Variants in PDPR observed in about 807,000 individuals in gnomAD.
PDPR encodes the protein pyruvate dehydrogenase phosphatase regulatory subunit.
In PDPR, 50 loss-of-function variants were observed where a neutral mutation model predicts 102.2. The observed-to-expected ratio is 0.49, with a 90% confidence interval of 0.39 to 0.62. The LOEUF is 0.62. Among genes scored for constraint, PDPR ranks in the 20% least tolerant of loss-of-function variants. The pLI is 0.00. For synonymous variants in PDPR, 259 were observed against 406.0 expected (o/e 0.64, Z 4.35); for missense variants, 625 against 1,098.2 (o/e 0.57, Z 6.09).
At chr16:70,154,134 C>G (rs1475830867) in intron 18 of PDPR, among the ~76,000 whole-genome samples, 1 of 151,960 alleles carries the variant, frequency 6.6e-6, no homozygotes. Context: ...CCAGCCTGGG[C>G]GACAGAGCGA....
At chr16:70,133,399 G>A (rs55904360) in intron 9 of PDPR, among the ~76,000 whole-genome samples, 1 of 150,468 alleles carries the variant, frequency 6.6e-6, no homozygotes, top group Non-Finnish European at 1.5e-5. Flanking sequence ...TGGGATTACA[G>A]GCATGAGCCA....
chr16:70,139,534 A>G (rs139081800), intron 11 of PDPR, among the ~76,000 whole-genome samples: 18,869 of 141,330 alleles, frequency 0.13, no homozygotes, highest in African/African-American at 0.15. Flanking sequence ...TCCACCCTAC[A>G]GCAGCAAGAT....
chr16:70,160,607 C>T lies in PDPR; in HGVS notation c.*3728C>T, dbSNP rs902585274. ...CCTGTTTGGTTCTCACTGGGAGGCC[C>T]ACTGGCCTTGGATCATCTCCTCATG... On this transcript the variant is annotated 3_prime_UTR_variant, in exon 19 of 19. Transcript: ENST00000288050. 3.3e-5 allele frequency: 5 copies of T among 152,580 alleles called. No individual in the cohort carries two copies. The highest frequency in any genetic ancestry group is 7.3e-5 in the Non-Finnish European group (5 of 68,270). 9.5% of individuals were successfully genotyped at this position (152,580 alleles called of 1,614,324 possible).
At chr16:70,117,342 G>A (rs1179331163) in intron 2 of PDPR, among the ~76,000 whole-genome samples, 3 of 139,886 alleles carry the variant, frequency 2.1e-5, no homozygotes, top group East Asian at 2.1e-4. Flanking sequence ...GTGAAACCCC[G>A]TCTCTCCTAA....
chr16:70,160,167 A>G lies in PDPR; in HGVS notation c.*3288A>G, dbSNP rs967072670. On this transcript the variant is annotated 3_prime_UTR_variant, in exon 19 of 19. Transcript: ENST00000288050. ...CTTCCCCTCCCTTGAAATGTCTTTA[A>G]TTACCTCCCCTTCATCGTCAGGCCA... is the stretch of plus-strand genomic sequence containing the variant. 1 of 152,724 alleles carries G rather than the reference A, an allele frequency of 6.5e-6. No homozygotes were observed. The highest frequency in any genetic ancestry group is 2.4e-5 in the African/African-American group (1 of 41,462). The allele number at this position is 152,724 out of a possible 1,614,324, so 9.5% of individuals were successfully genotyped here. A position where few individuals can be genotyped will look rare whatever the true frequency, so the allele number is the denominator to read the frequency against.
intron 3 of PDPR, among the ~76,000 whole-genome samples, chr16:70,125,391 C>CAAAAAA (rs1555521452): frequency 2.2e-3 from 323 of 145,080 alleles, no homozygotes; most frequent in Middle Eastern, 7.1e-3. Context: ...AACAAACAAA[C>CAAAAAA]AAAAAAACAA....
At chr16:70,150,269 A>G (rs769481037) in intron 17 of PDPR, among the ~76,000 whole-genome samples, 1 of 151,630 alleles carries the variant, frequency 6.6e-6, no homozygotes, top group Non-Finnish European at 1.5e-5. Flanking sequence ...ACACCCGACT[A>G]ATTTTTGTAT....
intron 2 of PDPR, among the ~76,000 whole-genome samples, chr16:70,118,840 C>G (rs571487186): frequency 2.0e-5 from 3 of 152,180 alleles, no homozygotes; most frequent in South Asian, 4.2e-4. Context: ...AATTTGTCTC[C>G]AGTTGGATGG....
In PDPR at chr16:70,156,849, C is replaced by T; in HGVS notation, c.2610C>T (p.Asp870=). Residue 870 remains aspartate (D), a synonymous_variant, in exon 19 of 19, where the codon GAC becomes GAT. Transcript: ENST00000288050. ...SLFTQKRRKD[D]MELSDLHGK ...TCACCCAGAAGCGCCGAAAGGATGA[C>T]ATGGAGCTGAGTGACTTACATGGGA... The T allele has an allele frequency of 1.2e-6, 2 of 1,613,944 alleles. No individual in the cohort carries two copies. Among genetic ancestry groups the T allele is most frequent in the Non-Finnish European group, 1.7e-6 (2 of 1,179,868 alleles).
chr16:70,155,356 A>G (rs900977153), intron 18 of PDPR, among the ~76,000 whole-genome samples: 1 of 152,170 alleles, frequency 6.6e-6, no homozygotes, highest in Non-Finnish European at 1.5e-5. Context: ...ATCTCAGCTC[A>G]CTGCAATCTC....
rs192016765 is a variant in PDPR at position 70,157,234 on chromosome 16, C to T, written c.*355C>T. The T allele has an allele frequency of 8.4e-4, 439 of 523,966 alleles. No homozygotes were observed. Among genetic ancestry groups the T allele is most frequent in the Non-Finnish European group, 1.3e-3 (343 of 272,912 alleles). 32.5% of individuals were successfully genotyped at this position (523,966 alleles called of 1,614,324 possible). On this transcript the variant is annotated 3_prime_UTR_variant, in exon 19 of 19. Coordinates refer to ENST00000288050, the MANE Select transcript of PDPR (RefSeq NM_017990.5). ...TTCTGCATCTCAAGGCAGGGCAAGCCGGGGTGGTGCAGGTCTCAGGGCACG... is the reference window on the plus strand; with the variant it reads ...TTCTGCATCTCAAGGCAGGGCAAGCTGGGGTGGTGCAGGTCTCAGGGCACG...
chr16:70,155,748 G>T (rs1003429707), intron 18 of PDPR, among the ~76,000 whole-genome samples: 1 of 151,856 alleles, frequency 6.6e-6, no homozygotes, highest in South Asian at 2.1e-4. Context: ...GTATATATGT[G>T]TGTATGCATT....
chr16:70,133,741 GT>G (rs371206686), intron 9 of PDPR, among the ~76,000 whole-genome samples: 1 of 148,964 alleles, frequency 6.7e-6, no homozygotes, highest in African/African-American at 2.5e-5. Context: ...TTGTTTTTTT[GT>G]TTTTTTTTGA....
At chr16:70,123,664 C>T (rs1407943759) in intron 3 of PDPR, among the ~76,000 whole-genome samples, 62 of 152,220 alleles carry the variant, frequency 4.1e-4, no homozygotes, top group African/African-American at 1.4e-3. Context: ...GTGGGAGACC[C>T]TAGGGAGGTT....
intron 3 of PDPR, among the ~76,000 whole-genome samples, chr16:70,122,598 C>T (rs567756967): frequency 1.3e-5 from 2 of 152,382 alleles, no homozygotes; most frequent in African/African-American, 4.8e-5. Context: ...CTGTTTTCTC[C>T]CCTTGTAATG....
At chr16:70,126,643 G>A (rs1433402129) in intron 3 of PDPR, among the ~76,000 whole-genome samples, 13 of 152,222 alleles carry the variant, frequency 8.5e-5, no homozygotes, top group Admixed American at 3.9e-4. Context: ...GATTACAGGC[G>A]TGAGCCACCG....
At position 70,126,704 on chromosome 16, in the gene PDPR, T is replaced by C. The variant is rs184038013; in HGVS notation, c.228-556T>C. 1.6e-4 allele frequency among the ~76,000 whole-genome samples: 24 copies of C among 152,382 alleles called. No individual in the cohort carries two copies. In the East Asian group the frequency reaches 4.2e-3, roughly 27 times the overall value. ...TATTTATTTTTATTTTTATCTTTTT[T>C]TGGTAGAGACACAGTCTGGCTATGT... On this transcript the variant is annotated intron_variant, in intron 3 of 18. Transcript: ENST00000288050.
intron 12 of PDPR, 62 bp downstream of exon 12, chr16:70,142,451 A>G (rs1195574548): frequency 6.2e-7 from 1 of 1,613,388 alleles, no homozygotes; most frequent in Non-Finnish European, 8.5e-7. Flanking sequence ...AATTAATAAA[A>G]CATATTTTCA....
chr16:70,131,095 C>A (rs1397108391), intron 7 of PDPR, among the ~76,000 whole-genome samples: 1 of 152,224 alleles, frequency 6.6e-6, no homozygotes, highest in African/African-American at 2.4e-5. Context: ...AATATCTCTT[C>A]CTTTGATCTC....
Sources: allele counts gnomAD v4.1 joint callset (sites outside exome capture counted in the v4.1 genomes callset), GRCh38; gene constraint gnomAD v4.1.1; transcripts MANE v1.5; gene names NCBI Gene and HGNC (gene_info 2026-07-23, HGNC 2026-07-21).